AKAP13: variants seen among roughly 807,000 people sequenced by gnomAD.
The protein encoded by AKAP13 is A-kinase anchor protein 13.
AKAP13 carries 80 observed loss-of-function variants against 264.5 expected under a neutral mutation model. The ratio of observed to expected loss-of-function variants is 0.30; its 90% CI spans 0.25 to 0.36. The LOEUF is 0.36. Among genes scored for constraint, AKAP13 ranks in the 10% least tolerant of loss-of-function variants. AKAP13 has a pLI of 1.00. For missense variants in AKAP13, 3,712 were observed against 3,435.2 expected (o/e 1.08, Z -2.01); for synonymous variants, 1,380 against 1,250.2 (o/e 1.10, Z -2.19).
In AKAP13 at chr15:85,573,825, G is replaced by C. The variant is rs569604729; in HGVS notation, c.663-1306G>C. 7.2e-5 allele frequency among the ~76,000 whole-genome samples: 11 copies of C among 152,216 alleles called. No homozygotes were observed. The East Asian group carries it at 1.9e-3, about 27-fold the overall frequency. On this transcript the variant is annotated intron_variant, in intron 5 of 36. Coordinates refer to ENST00000394518, the MANE Select transcript of AKAP13 (RefSeq NM_007200.5). ...AGATATGTTTTTCTACTTTTAAGAAGGGAAGGCTTACTAGGAATTATTTTT... is the reference window on the plus strand; with the variant it reads ...AGATATGTTTTTCTACTTTTAAGAACGGAAGGCTTACTAGGAATTATTTTT...
intron 3 of AKAP13, among the ~76,000 whole-genome samples, chr15:85,527,004 G>A (rs2077074897): frequency 6.6e-6 from 1 of 150,570 alleles, no homozygotes. Flanking sequence ...GCCCAGGCTG[G>A]AGTGCAGTGG....
intron 18 of AKAP13, among the ~76,000 whole-genome samples, chr15:85,709,325 C>A (rs1246469157): frequency 2.6e-5 from 4 of 152,132 alleles, no homozygotes; most frequent in Admixed American, 6.5e-5. Flanking sequence ...ATCTTCCCCC[C>A]ACTAGAATAT....
Position 85,562,691 on chromosome 15 carries a change from C to CT in AKAP13, c.663-12419dup, listed in dbSNP as rs10598092. ...CCTTTTCTTTCTTTTCTTTTCTTTT[C>CT]TTTTTTTTTTTTTTTTTTTTTGAGA... On this transcript the variant is annotated intron_variant, in intron 5 of 36. Coordinates refer to ENST00000394518, the MANE Select transcript of AKAP13 (RefSeq NM_007200.5). Among the ~76,000 whole-genome samples the CT allele has an allele frequency of 9.6e-3, 962 of 100,426 alleles. 53 individuals carry two copies. Among genetic ancestry groups the CT allele is most frequent in the African/African-American group, 0.023 (568 of 24,344 alleles). The allele number at this position is 100,426 out of a possible 152,430, so 65.9% of individuals were successfully genotyped here.
chr15:85,441,833 T>A (rs1324063957), intron 1 of AKAP13, among the ~76,000 whole-genome samples: 1 of 152,166 alleles, frequency 6.6e-6, no homozygotes, highest in Admixed American at 6.5e-5. Flanking sequence ...AACACACGCC[T>A]TCATTTTCTG....
chr15:85,468,344 T>A (rs930621485), intron 1 of AKAP13, among the ~76,000 whole-genome samples: 3 of 152,226 alleles, frequency 2.0e-5, no homozygotes, highest in African/African-American at 7.2e-5. Flanking sequence ...CACTGTGTTA[T>A]GACTTTTCGT....
chr15:85,604,807 A>G (rs1451334755), intron 8 of AKAP13, among the ~76,000 whole-genome samples: 1 of 152,276 alleles, frequency 6.6e-6, no homozygotes, highest in Non-Finnish European at 1.5e-5. Context: ...TTAGATGCAT[A>G]GAGCCATTAG....
chr15:85,483,486 T>C (rs78516736), intron 1 of AKAP13, among the ~76,000 whole-genome samples: 2,123 of 142,098 alleles, frequency 0.015, 79 homozygotes, highest in African/African-American at 0.06. Flanking sequence ...ATTAGCCGGT[T>C]GCGGTGGCGG....
chr15:85,407,956 G>A (rs576923174), intron 1 of AKAP13, among the ~76,000 whole-genome samples: 3 of 151,734 alleles, frequency 2.0e-5, no homozygotes, highest in African/African-American at 4.9e-5. Flanking sequence ...TTGGAAGGGA[G>A]CCAGCAGATC....
intron 1 of AKAP13, among the ~76,000 whole-genome samples, chr15:85,406,633 T>A (rs2071681128): frequency 6.6e-6 from 1 of 151,526 alleles, no homozygotes; most frequent in Non-Finnish European, 1.5e-5. Flanking sequence ...CAGCAGTTAC[T>A]GACCTTTCCA....
At chr15:85,504,539 A>AAAAAAAT (rs2076145526) in intron 2 of AKAP13, among the ~76,000 whole-genome samples, 1 of 141,694 alleles carries the variant, frequency 7.1e-6, no homozygotes, top group African/African-American at 2.6e-5. Context: ...AAAAAAAGAA[A>AAAAAAAT]AAATTAGCCA....
intron 16 of AKAP13, chr15:85,690,215 G>A (rs2151630968): frequency 6.6e-6 from 1 of 152,342 alleles, no homozygotes; most frequent in East Asian, 1.9e-4. Flanking sequence ...TTGGATTGTT[G>A]CAAAGGGAAG....
At chr15:85,442,517 T>G (rs1331859521) in intron 1 of AKAP13, among the ~76,000 whole-genome samples, 3 of 111,238 alleles carry the variant, frequency 2.7e-5, no homozygotes, top group Admixed American at 1.9e-4. Flanking sequence ...ATATAATATA[T>G]ATTATATTAT....
chr15:85,643,429 G>A (rs913022534), intron 9 of AKAP13, among the ~76,000 whole-genome samples: 2 of 152,036 alleles, frequency 1.3e-5, no homozygotes, highest in East Asian at 1.9e-4. Flanking sequence ...AGCTACCAGC[G>A]CAAATAATTC....
Position 85,581,474 on chromosome 15 carries a change from C to T in AKAP13, c.3406C>T (p.Leu1136=), listed in dbSNP as rs769711841. 6 of 1,614,208 alleles carry T rather than the reference C, an allele frequency of 3.7e-6. No individual in the cohort carries two copies. The highest frequency in any genetic ancestry group is 8.5e-7 in the Non-Finnish European group (1 of 1,180,050). ...KNAVLGLPVA[L]QDKAVTDPQG... ...TGCCGTTCTAGGTTTGCCAGTGGCT[C>T]TACAGGACAAAGCTGTGACTGACCC... The change falls in exon 7 of 37, where the codon CTA becomes TTA. Residue 1136 remains leucine, a synonymous_variant. Transcript: ENST00000394518.
chr15:85,507,713 G>T (rs7178991), intron 2 of AKAP13, among the ~76,000 whole-genome samples: 6 of 152,010 alleles, frequency 3.9e-5, no homozygotes, highest in Non-Finnish European at 7.4e-5. Flanking sequence ...GCCAAGAATG[G>T]GAGCTTCTGG....
chr15:85,658,401 A>T (rs1025538533), intron 11 of AKAP13, 136 bp from the exon 12 acceptor site: 3 of 620,236 alleles, frequency 4.8e-6, no homozygotes, highest in Non-Finnish European at 8.0e-6. Context: ...CTCATTCCAC[A>T]TTCCTTCATT....
chr15:85,702,562 G>C (rs1597114590), intron 17 of AKAP13: 1 of 152,292 alleles, frequency 6.6e-6, no homozygotes, highest in African/African-American at 2.4e-5. Context: ...TGTGCTCTTA[G>C]GAGACAGTGG....
At chr15:85,504,989 C>T (rs983315178) in intron 2 of AKAP13, among the ~76,000 whole-genome samples, 3 of 151,968 alleles carry the variant, frequency 2.0e-5, no homozygotes, top group African/African-American at 7.3e-5. Context: ...TGTGTGCGCA[C>T]ATGTGTTTGA....
intron 2 of AKAP13, among the ~76,000 whole-genome samples, chr15:85,492,951 A>G (rs957302981): frequency 2.0e-5 from 3 of 152,208 alleles, no homozygotes; most frequent in Admixed American, 6.5e-5. Flanking sequence ...AATTGGGCAT[A>G]TAAGAGATGG....
Sources: allele counts gnomAD v4.1 joint callset (sites outside exome capture counted in the v4.1 genomes callset), GRCh38; gene constraint gnomAD v4.1.1; transcripts MANE v1.5; gene names NCBI Gene and HGNC (gene_info 2026-07-23, HGNC 2026-07-21).